Variants in KHDRBS2 observed in about 807,000 individuals in gnomAD.
KHDRBS2 encodes KH domain-containing, RNA-binding, signal transduction-associated protein 2.
Under a neutral mutation model 44.3 loss-of-function variants are expected in KHDRBS2, and 26 were observed. The ratio of observed to expected loss-of-function variants is 0.59; its 90% confidence interval spans 0.43 to 0.81. The LOEUF (loss-of-function observed/expected upper bound fraction) is 0.81. Ranked by LOEUF, KHDRBS2 falls within the 40% of genes least tolerant of loss-of-function variation. The pLI is 0.00. For missense variants in KHDRBS2, 476 were observed against 433.1 expected (o/e 1.10, Z -0.88); for synonymous variants, 194 against 151.1 (o/e 1.28, Z -2.08).
chr6:62,277,644 T>C (rs1841168640), intron 1 of KHDRBS2, among the ~76,000 whole-genome samples: 1 of 151,782 alleles, frequency 6.6e-6, no homozygotes. Context: ...GCCCGGCCCA[T>C]ATGCAGTTTT....
chr6:61,577,039 G>C, the KHDRBS2 span, among the ~76,000 whole-genome samples: 3 of 151,904 alleles, frequency 2.0e-5, no homozygotes, highest in Non-Finnish European at 4.4e-5. Flanking sequence ...CTGTATTGTG[G>C]GTAGAATCTT....
the KHDRBS2 span, among the ~76,000 whole-genome samples, chr6:61,580,615 G>A: frequency 3.9e-5 from 6 of 152,116 alleles, no homozygotes; most frequent in East Asian, 1.9e-4. Context: ...TGAAGTCAGC[G>A]AGACCACGAA....
intron 7 of KHDRBS2, among the ~76,000 whole-genome samples, chr6:61,701,018 C>T (rs957985106): frequency 2.6e-5 from 4 of 151,534 alleles, no homozygotes; most frequent in African/African-American, 9.7e-5. Flanking sequence ...CATTTATATC[C>T]CAAACTATAG....
intron 1 of KHDRBS2, among the ~76,000 whole-genome samples, chr6:62,236,562 A>G (rs1275227599): frequency 6.6e-6 from 1 of 152,098 alleles, no homozygotes; most frequent in Non-Finnish European, 1.5e-5. Flanking sequence ...GGATAAGGCA[A>G]TTTCATACAA....
chr6:61,896,559 T>C (rs1249596413), intron 5 of KHDRBS2, among the ~76,000 whole-genome samples: 1 of 152,188 alleles, frequency 6.6e-6, no homozygotes, highest in Non-Finnish European at 1.5e-5. Flanking sequence ...TTACCTCTTA[T>C]CCACTATGTT....
intron 1 of KHDRBS2, among the ~76,000 whole-genome samples, chr6:62,234,032 T>G (rs1833306653): frequency 6.6e-6 from 1 of 152,082 alleles, no homozygotes; most frequent in Non-Finnish European, 1.5e-5. Flanking sequence ...AAATGGTATT[T>G]CTGTTTAAAA....
chr6:61,723,296 A>C (rs1019023677), intron 7 of KHDRBS2, among the ~76,000 whole-genome samples: 3 of 152,178 alleles, frequency 2.0e-5, no homozygotes, highest in Non-Finnish European at 4.4e-5. Flanking sequence ...CAATGCAAAA[A>C]TGCTGAAAAC....
chr6:61,882,492 A>G (rs1394358766), intron 6 of KHDRBS2, among the ~76,000 whole-genome samples: 1 of 152,022 alleles, frequency 6.6e-6, no homozygotes, highest in East Asian at 1.9e-4. Context: ...ATGAGGCAGA[A>G]GGAATAAACG....
At chr6:61,639,115 C>T in the KHDRBS2 span, among the ~76,000 whole-genome samples, 15 of 152,138 alleles carry the variant, frequency 9.9e-5, no homozygotes, top group African/African-American at 3.6e-4. Context: ...TTTTAAGTTC[C>T]CTTATGAAAT....
At chr6:62,093,015 TA>T (rs1799768218) in intron 2 of KHDRBS2, among the ~76,000 whole-genome samples, 1 of 152,040 alleles carries the variant, frequency 6.6e-6, no homozygotes. Flanking sequence ...AATGGAAAGA[TA>T]AGCATTTTAT....
chr6:61,661,645 C>A, the KHDRBS2 span, among the ~76,000 whole-genome samples: 1 of 151,866 alleles, frequency 6.6e-6, no homozygotes, highest in Admixed American at 6.6e-5. Context: ...GAATGATTCA[C>A]AATTGCTTCA....
chr6:61,650,063 A>G, the KHDRBS2 span, among the ~76,000 whole-genome samples: 3 of 152,096 alleles, frequency 2.0e-5, no homozygotes, highest in African/African-American at 7.2e-5. Flanking sequence ...TCAATGACTC[A>G]TGCATGTTCT....
At chr6:62,042,734 T>C (rs192946159) in intron 3 of KHDRBS2, among the ~76,000 whole-genome samples, 2 of 152,100 alleles carry the variant, frequency 1.3e-5, no homozygotes, top group African/African-American at 2.4e-5. Flanking sequence ...CAATTTGCCA[T>C]GAAATCAGAA....
At chr6:61,770,704 A>G (rs924489983) in intron 6 of KHDRBS2, among the ~76,000 whole-genome samples, 30 of 152,314 alleles carry the variant, frequency 2.0e-4, no homozygotes, top group African/African-American at 6.7e-4. Flanking sequence ...CCAAATCTAC[A>G]TCTGATTGGT....
chr6:61,922,087 C>T (rs1312697467), intron 4 of KHDRBS2, among the ~76,000 whole-genome samples: 4 of 151,896 alleles, frequency 2.6e-5, no homozygotes, highest in African/African-American at 9.7e-5. Context: ...TTTTGAATTG[C>T]TTATCTATAT....
intron 4 of KHDRBS2, among the ~76,000 whole-genome samples, chr6:61,959,220 A>T (rs1768093611): frequency 6.6e-6 from 1 of 152,222 alleles, no homozygotes; most frequent in Non-Finnish European, 1.5e-5. Flanking sequence ...ATATTGATTT[A>T]GGTTAAAAAT....
chr6:62,269,739 C>T (rs1747498968), intron 1 of KHDRBS2, among the ~76,000 whole-genome samples: 1 of 151,968 alleles, frequency 6.6e-6, no homozygotes, highest in Non-Finnish European at 1.5e-5. Context: ...CAATTACACT[C>T]CATGCAAAGA....
chr6:61,768,491 G>C (rs1259435153), intron 6 of KHDRBS2, among the ~76,000 whole-genome samples: 1 of 151,818 alleles, frequency 6.6e-6, no homozygotes, highest in Non-Finnish European at 1.5e-5. Flanking sequence ...ATATCTCTTA[G>C]ATTTGCATTT....
intron 4 of KHDRBS2, among the ~76,000 whole-genome samples, chr6:61,929,057 C>T (rs113428076): frequency 6.6e-6 from 1 of 152,042 alleles, no homozygotes; most frequent in African/African-American, 2.4e-5. Flanking sequence ...TTTCCTTCCT[C>T]TAAAGATGGC....
Sources: allele counts gnomAD v4.1 joint callset (sites outside exome capture counted in the v4.1 genomes callset), GRCh38; gene constraint gnomAD v4.1.1; transcripts MANE v1.5; gene names NCBI Gene and HGNC (gene_info 2026-07-23, HGNC 2026-07-21).